NRCAM: variants seen among roughly 807,000 people sequenced by gnomAD.
NRCAM encodes the protein NgCAM-related cell adhesion molecule.
In NRCAM, 83 loss-of-function variants were observed where a neutral mutation model predicts 156.5. The ratio of observed to expected loss-of-function variants is 0.53; its 90% CI spans 0.44 to 0.64. The LOEUF (loss-of-function observed/expected upper bound fraction) is 0.64. NRCAM is among the 30% of genes least tolerant of loss of function. NRCAM has a pLI of 0.00. For missense variants in NRCAM, 1,417 were observed against 1,597.3 expected, an observed-to-expected ratio of 0.89 and a Z score of 1.92; for synonymous variants, 538 against 563.9, an observed-to-expected ratio of 0.95 and a Z score of 0.65.
chr7:108,218,505 G>A (rs777304152), intron 11 of NRCAM, among the ~76,000 whole-genome samples: 1 of 152,062 alleles, frequency 6.6e-6, no homozygotes, highest in Admixed American at 6.6e-5. Flanking sequence ...ATTATATCAA[G>A]CACTCTCTCA....
intron 28 of NRCAM, among the ~76,000 whole-genome samples, chr7:108,170,738 A>C (rs1041407077): frequency 8.5e-5 from 13 of 152,200 alleles, no homozygotes; most frequent in South Asian, 4.2e-4. Context: ...GGGCAAATAA[A>C]CTTTCTAAAT....
chr7:108,302,054 A>C (rs534256382), intron 3 of NRCAM, among the ~76,000 whole-genome samples: 1 of 144,106 alleles, frequency 6.9e-6, no homozygotes, highest in Non-Finnish European at 1.5e-5. Context: ...ACCAAAGTAC[A>C]AAAAAAAAAA....
intron 3 of NRCAM, among the ~76,000 whole-genome samples, chr7:108,290,912 TAAC>T (rs1438469575): frequency 6.6e-6 from 1 of 152,180 alleles, no homozygotes; most frequent in Non-Finnish European, 1.5e-5. Context: ...AAAAGATAGT[TAAC>T]TATTGCAAAT....
At chr7:108,268,864 C>T (rs2097221696) in intron 3 of NRCAM, among the ~76,000 whole-genome samples, 1 of 152,226 alleles carries the variant, frequency 6.6e-6, no homozygotes, top group South Asian at 2.1e-4. Flanking sequence ...CATTACTCTT[C>T]TTACATGCAT....
chr7:108,258,806 C>G (rs2096782313), intron 3 of NRCAM, among the ~76,000 whole-genome samples: 1 of 152,214 alleles, frequency 6.6e-6, no homozygotes, highest in African/African-American at 2.4e-5. Context: ...TGTCCATGTT[C>G]ACTGTTGTTC....
intron 1 of NRCAM, among the ~76,000 whole-genome samples, chr7:108,428,940 TTC>T (rs1284954124): frequency 6.6e-6 from 1 of 150,962 alleles, no homozygotes. Flanking sequence ...AAATTTTCTT[TTC>T]TTTTCTTCTT....
At chr7:108,351,767 T>A (rs1300361737) in intron 2 of NRCAM, among the ~76,000 whole-genome samples, 1 of 151,672 alleles carries the variant, frequency 6.6e-6, no homozygotes, top group Non-Finnish European at 1.5e-5. Context: ...TGACCACTTT[T>A]TTTTTTTAAG....
chr7:108,275,388 G>A (rs2097555380), intron 3 of NRCAM, among the ~76,000 whole-genome samples: 2 of 152,090 alleles, frequency 1.3e-5, no homozygotes, highest in Admixed American at 1.3e-4. Flanking sequence ...TGATTGGTAG[G>A]CTATTAATTA....
At chr7:108,239,573 G>C (rs988914396) in intron 4 of NRCAM, among the ~76,000 whole-genome samples, 2 of 152,086 alleles carry the variant, frequency 1.3e-5, no homozygotes, top group Non-Finnish European at 2.9e-5. Flanking sequence ...GTGAAGGGAT[G>C]AGTGGGGAGG....
At chr7:108,401,239 A>G (rs2099791651) in intron 1 of NRCAM, among the ~76,000 whole-genome samples, 1 of 151,974 alleles carries the variant, frequency 6.6e-6, no homozygotes, top group African/African-American at 2.4e-5. Flanking sequence ...CTCCATCTCA[A>G]AAACAAAGGA....
chr7:108,287,469 CA>C (rs139878946), intron 3 of NRCAM, among the ~76,000 whole-genome samples: 2,516 of 151,912 alleles, frequency 0.017, 82 homozygotes, highest in African/African-American at 0.057. Context: ...ATGAGGAACT[CA>C]AACAACTCAT....
rs762100088 is a variant in NRCAM at position 108,180,210 on chromosome 7, G to A, written c.2851+13C>T. On this transcript the variant is annotated intron_variant, in intron 25 of 32. Transcript: ENST00000379028. ...TATGTTCCTGAGATCTTAGAGACACGTCCATTCCATACCTCCTTCTGGAGT... is the reference window on the plus strand; with the variant it reads ...TATGTTCCTGAGATCTTAGAGACACATCCATTCCATACCTCCTTCTGGAGT... The A allele has an allele frequency of 8.7e-6, 14 of 1,611,846 alleles. No homozygotes were observed. Among genetic ancestry groups the A allele is most frequent in the Admixed American group, 1.7e-5 (1 of 59,992 alleles).
intron 32 of NRCAM, among the ~76,000 whole-genome samples, chr7:108,158,546 G>T (rs1195257699): frequency 1.3e-5 from 2 of 151,976 alleles, no homozygotes; most frequent in African/African-American, 4.8e-5. Context: ...TACAAATGTT[G>T]CCTGGTAATC....
intron 2 of NRCAM, among the ~76,000 whole-genome samples, chr7:108,322,653 G>A (rs566807189): frequency 1.1e-4 from 16 of 152,120 alleles, no homozygotes; most frequent in African/African-American, 3.1e-4. Flanking sequence ...TAGTGTCAGC[G>A]GAGGAGAGTG....
At chr7:108,447,661 G>A (rs991115509) in intron 1 of NRCAM, among the ~76,000 whole-genome samples, 1 of 152,186 alleles carries the variant, frequency 6.6e-6, no homozygotes, top group Admixed American at 6.5e-5. Flanking sequence ...GATTTGGCTA[G>A]GAATTTAAGC....
At chr7:108,321,468 C>T (rs528467132) in intron 2 of NRCAM, among the ~76,000 whole-genome samples, 36 of 152,256 alleles carry the variant, frequency 2.4e-4, no homozygotes, top group African/African-American at 8.4e-4. Flanking sequence ...TTCATTATCA[C>T]AAAGAGGGCA....
At chr7:108,445,225 T>C (rs926523899) in intron 1 of NRCAM, among the ~76,000 whole-genome samples, 13 of 152,060 alleles carry the variant, frequency 8.5e-5, no homozygotes, top group Non-Finnish European at 1.6e-4. Flanking sequence ...AACTGAAAAA[T>C]AAAAAGTTCC....
At chr7:108,410,934 C>T (rs966045861) in intron 1 of NRCAM, among the ~76,000 whole-genome samples, 2 of 152,130 alleles carry the variant, frequency 1.3e-5, no homozygotes, top group African/African-American at 4.8e-5. Context: ...CGTATCATCC[C>T]GATAAAACTT....
chr7:108,216,007 G>A (rs118105580), intron 11 of NRCAM, among the ~76,000 whole-genome samples: 6,045 of 152,222 alleles, frequency 0.04, 160 homozygotes, highest in Middle Eastern at 0.065. Context: ...TCATAGTGTC[G>A]ATGGTGTTTA....
Sources: allele counts gnomAD v4.1 joint callset (sites outside exome capture counted in the v4.1 genomes callset), GRCh38; gene constraint gnomAD v4.1.1; transcripts MANE v1.5; gene names NCBI Gene and HGNC (gene_info 2026-07-23, HGNC 2026-07-21).